The following ARHGEF9 variants were observed in gnomAD, a reference collection of about 807,000 sequenced individuals.
ARHGEF9 encodes the protein Cdc42 guanine nucleotide exchange factor 9.
ARHGEF9 carries 2 observed loss-of-function variants against 41.3 expected under a neutral mutation model. That is an observed-to-expected ratio of 0.05 (90% CI 0.02 to 0.15). ARHGEF9 has a LOEUF of 0.15. ARHGEF9 is among the 10% of genes least tolerant of loss of function. The pLI is 1.00. For synonymous variants in ARHGEF9, 160 were observed against 154.4 expected (o/e 1.04, Z -0.27); for missense variants, 225 against 424.7 (o/e 0.53, Z 4.13).
chrX:63,706,630 A>C (rs1196300910), intron 2 of ARHGEF9, among the ~76,000 whole-genome samples, 181 bp from the exon 3 acceptor site: 2 of 111,853 alleles, frequency 1.8e-5, no homozygotes, highest in African/African-American at 6.5e-5. Flanking sequence ...CATGGGTTTA[A>C]TCTTCTCTAG....
intron 6 of ARHGEF9, among the ~76,000 whole-genome samples, chrX:63,667,230 C>T (rs781945386): frequency 8.9e-6 from 1 of 111,992 alleles, no homozygotes; most frequent in South Asian, 3.7e-4. Context: ...GATATTCTTG[C>T]TCCCATTTTA....
chrX:63,782,732 C>T (rs782302364), intron 1 of ARHGEF9, among the ~76,000 whole-genome samples: 1 of 112,348 alleles, frequency 8.9e-6, no homozygotes, highest in East Asian at 2.8e-4. Flanking sequence ...AAAATGGTGG[C>T]TAGATACACA....
At chrX:63,743,213 C>CAAAT (rs566007627) in intron 1 of ARHGEF9, among the ~76,000 whole-genome samples, 1 of 111,548 alleles carries the variant, frequency 9.0e-6, no homozygotes, top group East Asian at 2.8e-4. Flanking sequence ...AAAAAATAAA[C>CAAAT]AAACAACAAC....
intron 1 of ARHGEF9, among the ~76,000 whole-genome samples, chrX:63,737,784 A>G (rs1373443259): frequency 8.9e-5 from 10 of 111,964 alleles, no homozygotes; most frequent in Non-Finnish European, 1.1e-4. Context: ...AGTGGGGATG[A>G]GTTGTTCCAT....
At chrX:63,659,259 G>A (rs2049068777) in intron 7 of ARHGEF9, among the ~76,000 whole-genome samples, 1 of 112,171 alleles carries the variant, frequency 8.9e-6, no homozygotes, top group South Asian at 3.7e-4. Flanking sequence ...TTGAACCCTG[G>A]TTGCCTGTGG....
At chrX:63,758,321 T>C (rs2055971564) in intron 1 of ARHGEF9, among the ~76,000 whole-genome samples, 1 of 111,245 alleles carries the variant, frequency 9.0e-6, no homozygotes, top group East Asian at 2.8e-4. Context: ...AGGCATAGCC[T>C]AAAGCTTGCC....
chrX:63,782,300 G>C (rs1428058005), intron 1 of ARHGEF9, among the ~76,000 whole-genome samples: 1 of 111,657 alleles, frequency 9.0e-6, no homozygotes, highest in Non-Finnish European at 1.9e-5. Flanking sequence ...TTTTATGTAA[G>C]AGAATACTGA....
intron 1 of ARHGEF9, among the ~76,000 whole-genome samples, chrX:63,774,181 A>G (rs1218888335): frequency 9.0e-6 from 1 of 111,041 alleles, no homozygotes; most frequent in African/African-American, 3.3e-5. Context: ...TTTAATTGAT[A>G]AGGATCTGAA....
chrX:63,707,372 A>C (rs1486725551), intron 2 of ARHGEF9: 7 of 109,224 alleles, frequency 6.4e-5, no homozygotes, highest in Admixed American at 5.9e-4. Context: ...AAAAAAAAAA[A>C]AAAAAAAAAA....
At chrX:63,745,698 T>C in intron 1 of ARHGEF9, among the ~76,000 whole-genome samples, 1 of 111,528 alleles carries the variant, frequency 9.0e-6, no homozygotes, top group South Asian at 3.8e-4. Flanking sequence ...CTAGGCACTT[T>C]AATATCTGCC....
rs186661225 is a variant in ARHGEF9, at chrX:63,647,974, T to C, written c.1322-3926A>G. 6.8e-4 allele frequency among the ~76,000 whole-genome samples: 76 copies of C among 111,513 alleles called. 1 individual carries two copies. The highest frequency in any genetic ancestry group is 2.6e-4 in the Non-Finnish European group (14 of 53,075). On this transcript the variant is annotated intron_variant, in intron 8 of 9. Coordinates refer to ENST00000671741, the MANE Select transcript of ARHGEF9 (RefSeq NM_001353921.2). Reference sequence around the variant, plus strand: ...GTGAAAAGACCAAATCTATGTCTGATTGGTGTACCTGAAAGTGACAGGGAG... The same window carrying C: ...GTGAAAAGACCAAATCTATGTCTGACTGGTGTACCTGAAAGTGACAGGGAG...
In ARHGEF9 at chrX:63,688,910, A is replaced by G. The variant is rs140865191; in HGVS notation, c.582+8215T>C. ...TTAGTTTTTAATTTTTCTTTTGATCAAAGTTAAGTTGTCATCAGTTTATAA... is the reference window on the plus strand; with the variant it reads ...TTAGTTTTTAATTTTTCTTTTGATCGAAGTTAAGTTGTCATCAGTTTATAA... On this transcript the variant is annotated intron_variant, in intron 4 of 9. Transcript: ENST00000671741. Among the ~76,000 whole-genome samples, 88 of 112,629 alleles carry G rather than the reference A, an allele frequency of 7.8e-4. 2 individuals are homozygous for G. The East Asian group carries it at 0.024, about 30-fold the overall frequency.
intron 8 of ARHGEF9, among the ~76,000 whole-genome samples, chrX:63,644,490 CAAAT>C: frequency 9.1e-6 from 1 of 110,211 alleles, no homozygotes; most frequent in African/African-American, 3.3e-5. Context: ...AAAATAGTAA[CAAAT>C]AAGTAACAAA....
chrX:63,713,701 T>TAC (rs59012226), intron 2 of ARHGEF9, among the ~76,000 whole-genome samples: 2,964 of 94,033 alleles, frequency 0.032, 75 homozygotes, highest in East Asian at 0.048. Context: ...CCACTTCACA[T>TAC]ACACACACAC....
Position 63,724,637 on chromosome X carries a change from T to C in ARHGEF9, c.105A>G (p.Ala35=), listed in dbSNP as rs782666474. 25 of 1,209,357 alleles carry C rather than the reference T, an allele frequency of 2.1e-5. No individual in the cohort carries two copies. Among genetic ancestry groups the C allele is most frequent in the Non-Finnish European group, 2.5e-5 (22 of 895,064 alleles). The change falls in exon 2 of 10, where the codon GCA becomes GCG. Residue 35 remains alanine (A), a synonymous_variant. Coordinates refer to ENST00000671741, the MANE Select transcript of ARHGEF9 (RefSeq NM_001353921.2). ...CTTTGATGACGTCGCCAGCTTTAAA[T>C]GCCAACTCCCGGTTGGCCATGGTGA... ...DHVTMANREL[A]FKAGDVIKVL... is the part of the protein sequence containing the mutation.
intron 1 of ARHGEF9, among the ~76,000 whole-genome samples, chrX:63,758,258 C>T (rs1364948268): frequency 2.7e-5 from 3 of 110,352 alleles, no homozygotes; most frequent in Non-Finnish European, 5.7e-5. Flanking sequence ...GAGCCCCTGA[C>T]GCCTCATCTT....
intron 7 of ARHGEF9, among the ~76,000 whole-genome samples, chrX:63,664,970 C>T (rs1556346009): frequency 8.9e-6 from 1 of 112,360 alleles, no homozygotes; most frequent in African/African-American, 3.2e-5. Flanking sequence ...TCTTCAGAGG[C>T]ATTCACTACT....
intron 1 of ARHGEF9, among the ~76,000 whole-genome samples, chrX:63,781,691 T>C (rs1392155123): frequency 1.8e-5 from 2 of 111,997 alleles, no homozygotes; most frequent in African/African-American, 3.2e-5. Context: ...CCCACTACAA[T>C]TTAGCCTCCT....
intron 9 of ARHGEF9, chrX:63,642,018 C>T (rs1383653252): frequency 8.9e-6 from 1 of 112,980 alleles, no homozygotes; most frequent in Non-Finnish European, 1.8e-5. Context: ...TTCCTTGCTC[C>T]TCAGCTTGCA....
Sources: gnomAD v4.1 joint callset for allele counts (sites outside exome capture counted in the v4.1 genomes callset) on GRCh38, gnomAD v4.1.1 for gene constraint, MANE v1.5 for transcripts, NCBI Gene and HGNC (gene_info 2026-07-23, HGNC 2026-07-21) for gene names.